Variants in IPO5 observed in about 807,000 individuals in gnomAD.
The protein encoded by IPO5 is importin-5.
Under a neutral mutation model 143.3 loss-of-function variants are expected in IPO5, and 18 were observed. That is an observed-to-expected ratio of 0.13 (90% CI 0.09 to 0.19). The LOEUF is 0.19. IPO5 is among the 10% of genes least tolerant of loss of function. The pLI, the probability that IPO5 is intolerant of heterozygous loss-of-function variation, is 1.00. For synonymous variants in IPO5, 477 were observed against 465.7 expected, an observed-to-expected ratio of 1.02 and a Z score of -0.31; for missense variants, 1,013 against 1,336.9, an observed-to-expected ratio of 0.76 and a Z score of 3.78.
intron 4 of IPO5, among the ~76,000 whole-genome samples, chr13:97,978,899 A>G (rs1253519501): frequency 6.6e-6 from 1 of 152,222 alleles, no homozygotes; most frequent in Non-Finnish European, 1.5e-5. Context: ...ATAAAGAACA[A>G]TTGGAAATAA....
chr13:97,984,542 T>C (rs1376039608), intron 5 of IPO5, among the ~76,000 whole-genome samples: 1 of 152,206 alleles, frequency 6.6e-6, no homozygotes, highest in African/African-American at 2.4e-5. Context: ...TGTAACCATT[T>C]TGAATTCTTT....
At chr13:98,005,926 G>GA (rs920999679) in intron 16 of IPO5, among the ~76,000 whole-genome samples, 15 of 148,774 alleles carry the variant, frequency 1.0e-4, no homozygotes, top group South Asian at 4.2e-4. Flanking sequence ...ATAGAAGAGA[G>GA]AAAAAAAAAA....
intron 16 of IPO5, 33 bp from the exon 17 acceptor site, chr13:98,006,097 C>G: frequency 7.1e-7 from 1 of 1,403,378 alleles, no homozygotes; most frequent in Non-Finnish European, 1.0e-6. Flanking sequence ...TTCCAGTTTT[C>G]CTTTGAGGTA....
At position 97,976,772 on chromosome 13, in the gene IPO5, C is replaced by A; in HGVS notation, c.76C>A (p.Arg26=). The stretch of plus-strand genomic sequence containing the variant: ...CCTGCTCAGCCCCGACAATGTGGTC[C>A]GGAAACAGGCAGAGGTAACCGAGTT... ...GNLLSPDNVV[R]KQAEETYENI... The change falls in exon 4 of 29, where the codon CGG becomes AGG. Residue 26 remains arginine, a synonymous_variant. Transcript: ENST00000651721. 7.2e-7 allele frequency: 1 copy of A among 1,395,730 alleles called. No homozygotes were observed. Among genetic ancestry groups the A allele is most frequent in the Non-Finnish European group, 9.6e-7 (1 of 1,046,370 alleles). The allele number at this position is 1,395,730 out of a possible 1,614,324, so 86.5% of individuals were successfully genotyped here.
intron 13 of IPO5, 98 bp downstream of exon 13, chr13:98,000,743 CTTT>C (rs1335563154): frequency 1.3e-6 from 1 of 767,784 alleles, no homozygotes; most frequent in Non-Finnish European, 2.2e-6. Flanking sequence ...TAATCTTTGT[CTTT>C]TTATCATCCA....
At position 98,008,160 on chromosome 13, in the gene IPO5, AT is replaced by A; in HGVS notation, c.1800+21del. The A allele has an allele frequency of 6.9e-7, 1 of 1,448,162 alleles. No homozygotes were observed. Among genetic ancestry groups the A allele is most frequent in the East Asian group, 2.3e-5 (1 of 44,014 alleles). The allele number at this position is 1,448,162 out of a possible 1,614,324, so 89.7% of individuals were successfully genotyped here. On this transcript the variant is annotated intron_variant, in intron 18 of 28. Coordinates refer to ENST00000651721, the MANE Select transcript of IPO5 (RefSeq NM_002271.6). Reference sequence around the variant, plus strand: ...ATCCTCAGGTAAGTGGTCTTAATGCATTTGCTTTGATCCGCTAATGAGTTGT... The same window carrying A: ...ATCCTCAGGTAAGTGGTCTTAATGCATTGCTTTGATCCGCTAATGAGTTGT...
rs144233664 is a variant in IPO5, at chr13:98,003,039, T to C, written c.1497+2T>C. 304 of 1,601,708 alleles carry C rather than the reference T, an allele frequency of 1.9e-4. No homozygotes were observed. The highest frequency in any genetic ancestry group is 2.3e-4 in the Non-Finnish European group (268 of 1,174,326). On this transcript the variant is annotated splice_donor_variant, in intron 16 of 28. Coordinates refer to ENST00000651721, the MANE Select transcript of IPO5 (RefSeq NM_002271.6). LOFTEE classifies it high-confidence loss of function. Reference sequence around the variant, plus strand: ...ATTATGGTACTGAAGCTTCAAGAGGTAAGTTTTAAGATCTGTAGGCTGCTT... The same window carrying C: ...ATTATGGTACTGAAGCTTCAAGAGGCAAGTTTTAAGATCTGTAGGCTGCTT...
At chr13:98,020,655 T>A (rs1446338797) in intron 27 of IPO5, among the ~76,000 whole-genome samples, 16 of 152,258 alleles carry the variant, frequency 1.1e-4, no homozygotes, top group Admixed American at 1.0e-3. Flanking sequence ...TTATATAATT[T>A]TTTTGAACTT....
chr13:98,013,589 C>G (rs1408875633), intron 21 of IPO5, among the ~76,000 whole-genome samples: 2 of 151,966 alleles, frequency 1.3e-5, no homozygotes, highest in African/African-American at 4.8e-5. Context: ...TTATCAAGAC[C>G]TTATTTTATA....
chr13:97,982,362 A>G, intron 4 of IPO5, 141 bp from the exon 5 acceptor site: 1 of 610,344 alleles, frequency 1.6e-6, no homozygotes, highest in South Asian at 2.0e-5. Context: ...TCTGAAGTGT[A>G]TTTCATGTCA....
chr13:97,964,094 C>T (rs1390817802), intron 2 of IPO5, among the ~76,000 whole-genome samples: 3 of 152,092 alleles, frequency 2.0e-5, no homozygotes, highest in Admixed American at 2.0e-4. Context: ...TGGACATTAG[C>T]CCTCTGTCAG....
chr13:97,956,067 GCT>G lies in IPO5; in HGVS notation c.-113+1870_-113+1871del, dbSNP rs1359250479. Among the ~76,000 whole-genome samples the G allele has an allele frequency of 2.0e-5, 3 of 151,428 alleles. No individual in the cohort carries two copies. In the East Asian group the frequency reaches 5.8e-4, roughly 29 times the overall value. On this transcript the variant is annotated intron_variant, in intron 2 of 28. Transcript: ENST00000651721. ...CAATGGCGTGAACCCGGGAGGTGGA[GCT>G]TGCAGTGAGCCAAGATCGCGCCACT...
chr13:98,018,151 TTTATTA>T (rs746005173), intron 25 of IPO5, among the ~76,000 whole-genome samples: 1 of 152,194 alleles, frequency 6.6e-6, no homozygotes, highest in Admixed American at 6.5e-5. Context: ...CTTTGCAGCT[TTTATTA>T]TTATTGTATT....
chr13:97,966,532 T>G (rs1464743394), intron 2 of IPO5, among the ~76,000 whole-genome samples: 1 of 152,202 alleles, frequency 6.6e-6, no homozygotes, highest in Non-Finnish European at 1.5e-5. Flanking sequence ...TGCTAGTATT[T>G]TGTTTATAAT....
chr13:98,020,100 GTC>G (rs1176162968), intron 27 of IPO5, among the ~76,000 whole-genome samples: 3 of 152,136 alleles, frequency 2.0e-5, no homozygotes, highest in African/African-American at 7.2e-5. Context: ...TAGCGACAAG[GTC>G]TTAACTGTTT....
At chr13:98,002,829 T>C (rs375355646) in intron 15 of IPO5, 35 bp from the exon 16 acceptor site, 210 of 1,600,654 alleles carry the variant, frequency 1.3e-4, no homozygotes, top group Middle Eastern at 5.0e-4. Flanking sequence ...GGGTGGACAT[T>C]TCAACATGTG....
At chr13:97,955,811 C>T (rs957631911) in intron 2 of IPO5, among the ~76,000 whole-genome samples, 4 of 152,120 alleles carry the variant, frequency 2.6e-5, no homozygotes, top group Non-Finnish European at 5.9e-5. Flanking sequence ...CTATCCTATA[C>T]GCCCCACTCT....
chr13:97,959,032 C>T (rs1050537620), intron 2 of IPO5, among the ~76,000 whole-genome samples: 3 of 151,850 alleles, frequency 2.0e-5, no homozygotes, highest in East Asian at 2.0e-4. Context: ...ATTAGCCAGA[C>T]GTGGTGGCGG....
rs1889576921 is a variant in IPO5 at position 98,010,125 on chromosome 13, T to C, written c.1956T>C (p.Ser652=). Residue 652 remains serine (S), a synonymous_variant, in exon 20 of 29, where the codon AGT becomes AGC. Transcript: ENST00000651721. ...TAGCCCAAGACATGGAGAATATGAG[T>C]GATGATGATGGTTGGGAATTTGTGA... ...LLDTQDMENM[S]DDDGWEFVNL... is the part of the protein sequence containing the mutation. 3.1e-6 allele frequency: 5 copies of C among 1,613,926 alleles called. No individual in the cohort carries two copies. In the South Asian group the frequency reaches 4.4e-5, roughly 14 times the overall value.
Sources: allele counts gnomAD v4.1 joint callset (sites outside exome capture counted in the v4.1 genomes callset), GRCh38; gene constraint gnomAD v4.1.1; transcripts MANE v1.5; gene names NCBI Gene and HGNC (gene_info 2026-07-23, HGNC 2026-07-21).